The following CHST10 variants were observed in gnomAD, a reference collection of about 807,000 sequenced individuals.
The protein encoded by CHST10 is carbohydrate sulfotransferase 10, also known as HNK-1 sulfotransferase.
Under a neutral mutation model 34.7 loss-of-function variants are expected in CHST10, and 24 were observed. The ratio of observed to expected loss-of-function variants is 0.69; its 90% CI spans 0.50 to 0.97. The LOEUF is 0.97. Among genes scored for constraint, CHST10 ranks in the 50% least tolerant of loss-of-function variants. CHST10 has a pLI of 0.00. For synonymous variants in CHST10, 161 were observed against 169.3 expected (o/e 0.95, Z 0.38); for missense variants, 402 against 452.1 (o/e 0.89, Z 1.00).
chr2:100,413,345 C>G (rs1183381183), intron 2 of CHST10, among the ~76,000 whole-genome samples: 1 of 152,198 alleles, frequency 6.6e-6, no homozygotes, highest in Non-Finnish European at 1.5e-5. Flanking sequence ...CCCCTAGAAT[C>G]TGCATATCCA....
At chr2:100,406,434 C>A in intron 3 of CHST10, 142 bp downstream of exon 3, 4 of 952,228 alleles carry the variant, frequency 4.2e-6, no homozygotes, top group Non-Finnish European at 6.3e-6. Flanking sequence ...CATGAAGGAA[C>A]GGAGGCCATG....
In CHST10 at chr2:100,395,564, C is replaced by T. The variant is rs371551507; in HGVS notation, c.478G>A (p.Glu160Lys). 16 of 1,613,958 alleles carry T rather than the reference C, an allele frequency of 9.9e-6. No homozygotes were observed. Among genetic ancestry groups the T allele is most frequent in the African/African-American group, 2.7e-5 (2 of 74,926 alleles). The change falls in exon 6 of 7, where the codon GAG (glutamate) becomes AAG (lysine). Residue 160 changes from glutamate to lysine, a missense_variant. Physicochemically the swap from Glu to Lys is moderately conservative, Grantham distance 56 (BLOSUM62 1). Coordinates refer to ENST00000264249, the MANE Select transcript of CHST10 (RefSeq NM_004854.5). Reference protein sequence around the residue: ...EIPENVVHDHEKNGLPRLSSF... With the variant: ...EIPENVVHDHKKNGLPRLSSF... ...GAGAGCCGAGGAAGGCCGTTCTTCT[C>T]GTGGTCGTGCACCACGTTTTCGGGG...
intron 3 of CHST10, among the ~76,000 whole-genome samples, chr2:100,403,894 G>A (rs1338519066): frequency 6.6e-6 from 1 of 152,188 alleles, no homozygotes; most frequent in Admixed American, 6.5e-5. Context: ...CAAGATCCAG[G>A]CTCCGGGACA....
At chr2:100,413,405 A>G (rs1348487041) in intron 2 of CHST10, among the ~76,000 whole-genome samples, 1 of 152,188 alleles carries the variant, frequency 6.6e-6, no homozygotes, top group Non-Finnish European at 1.5e-5. Context: ...TTCACAAGTC[A>G]AGATGTCAGG....
chr2:100,394,082 A>T (rs569820409), intron 6 of CHST10, among the ~76,000 whole-genome samples: 4 of 152,336 alleles, frequency 2.6e-5, no homozygotes, highest in African/African-American at 9.6e-5. Context: ...CTTCTGTTTT[A>T]CTTGAATGAT....
intron 2 of CHST10, among the ~76,000 whole-genome samples, chr2:100,411,554 A>T (rs2104249948): frequency 6.6e-6 from 1 of 152,362 alleles, no homozygotes; most frequent in Admixed American, 6.5e-5. Context: ...TACAAAATAC[A>T]GCACTCAAAC....
At chr2:100,415,138 A>AG in intron 1 of CHST10, 27 bp from the exon 2 acceptor site, 2 of 1,203,948 alleles carry the variant, frequency 1.7e-6, no homozygotes, top group Non-Finnish European at 2.2e-6. Flanking sequence ...AAAAAAAAAA[A>AG]GCATTATTAA....
At chr2:100,414,709 C>T (rs1675992926) in intron 2 of CHST10, among the ~76,000 whole-genome samples, 1 of 152,134 alleles carries the variant, frequency 6.6e-6, no homozygotes. Context: ...AACGATTAAC[C>T]ACCCTTAGTT....
intron 5 of CHST10, among the ~76,000 whole-genome samples, chr2:100,397,066 G>A (rs149973273): frequency 1.7e-3 from 258 of 152,258 alleles, no homozygotes; most frequent in African/African-American, 5.8e-3. Context: ...GCAGCATCAG[G>A]AGTGGCAAGC....
chr2:100,413,498 G>A (rs187449273), intron 2 of CHST10, among the ~76,000 whole-genome samples: 24 of 152,274 alleles, frequency 1.6e-4, no homozygotes, highest in Admixed American at 1.2e-3. Context: ...AGGCCTTATG[G>A]GGAAAGCAGG....
chr2:100,399,098 CTCTCT>C (rs1463040441), intron 4 of CHST10, among the ~76,000 whole-genome samples: 3 of 132,312 alleles, frequency 2.3e-5, no homozygotes, highest in East Asian at 6.1e-4. Flanking sequence ...ATCTCTCTCT[CTCTCT>C]TTTTTTTTTT....
intron 2 of CHST10, among the ~76,000 whole-genome samples, chr2:100,413,900 A>AT (rs1308080178): frequency 6.6e-6 from 1 of 152,076 alleles, no homozygotes; most frequent in African/African-American, 2.4e-5. Flanking sequence ...TTTTCCAGAC[A>AT]TTTTTTCATT....
chr2:100,415,791 G>A (rs13424473), intron 1 of CHST10: 1 of 152,148 alleles, frequency 6.6e-6, no homozygotes, highest in East Asian at 1.9e-4. Flanking sequence ...GAAATGTATC[G>A]TTAGGCGATG....
chr2:100,411,350 G>A (rs1487080147), intron 2 of CHST10, among the ~76,000 whole-genome samples: 1 of 152,044 alleles, frequency 6.6e-6, no homozygotes, highest in Admixed American at 6.6e-5. Context: ...GACCTCAAGT[G>A]ATCCACCTGC....
chr2:100,402,258 C>T (rs1353054583), intron 4 of CHST10, among the ~76,000 whole-genome samples: 2 of 152,224 alleles, frequency 1.3e-5, no homozygotes, highest in South Asian at 2.1e-4. Context: ...TGGTTTCCTC[C>T]TGACCCTGCC....
At position 100,417,424 on chromosome 2, in the gene CHST10, G is replaced by A. The variant is rs950868399; in HGVS notation, c.-154C>T. On this transcript the variant is annotated 5_prime_UTR_variant, in exon 1 of 7. Coordinates refer to ENST00000264249, the MANE Select transcript of CHST10 (RefSeq NM_004854.5). ...TCCTTAGGCTCCTCCCCTGGCCCTG[G>A]GGGCGCCGCGCGGGTCGGGCTTCGC... The A allele has an allele frequency of 8.4e-4, 157 of 185,878 alleles. 1 individual carries two copies. Among genetic ancestry groups the A allele is most frequent in the Non-Finnish European group, 1.4e-3 (125 of 88,958 alleles). 11.5% of individuals were successfully genotyped at this position (185,878 alleles called of 1,614,324 possible). A position where few individuals can be genotyped will look rare whatever the true frequency, so the allele number is the denominator to read the frequency against.
intron 5 of CHST10, among the ~76,000 whole-genome samples, chr2:100,396,282 G>T (rs1374945859): frequency 1.3e-5 from 2 of 152,238 alleles, no homozygotes; most frequent in African/African-American, 4.8e-5. Flanking sequence ...AACAGCCAGG[G>T]TCTGTCATCA....
Position 100,393,576 on chromosome 2 carries a change from G to T in CHST10, c.740C>A (p.Pro247Gln), listed in dbSNP as rs374730803. The change falls in exon 7 of 7, where the codon CCG (proline) becomes CAG (glutamine). Residue 247 changes from proline (P) to glutamine (Q), a missense_variant. Transcript: ENST00000264249. Reference sequence around the variant, plus strand: ...CTGAAGGTCTAGCCATCTGTGGTTCGGATCGCCGAGGTAGCGCACGAAATC... The same window carrying T: ...CTGAAGGTCTAGCCATCTGTGGTTCTGATCGCCGAGGTAGCGCACGAAATC... Reference protein sequence around the residue: ...FEDFVRYLGDPNHRWLDLQFG... With the variant: ...FEDFVRYLGDQNHRWLDLQFG... 3 of 1,613,960 alleles carry T rather than the reference G, an allele frequency of 1.9e-6. No homozygotes were observed. Among genetic ancestry groups the T allele is most frequent in the Admixed American group, 1.7e-5 (1 of 60,000 alleles).
chr2:100,404,709 G>T (rs1168949595), intron 3 of CHST10, among the ~76,000 whole-genome samples: 1 of 152,190 alleles, frequency 6.6e-6, no homozygotes, highest in Non-Finnish European at 1.5e-5. Context: ...AGGCCATTCT[G>T]CCAGATAACA....
Sources: allele counts gnomAD v4.1 joint callset (sites outside exome capture counted in the v4.1 genomes callset), GRCh38; gene constraint gnomAD v4.1.1; transcripts MANE v1.5; gene names NCBI Gene and HGNC (gene_info 2026-07-23, HGNC 2026-07-21).